Variants in ZNF215 observed in about 807,000 individuals in gnomAD.
The protein encoded by ZNF215 is zinc finger protein 215, also known as BWSCR2-associated zinc finger protein 2.
ZNF215 carries 24 observed loss-of-function variants against 27.2 expected under a neutral mutation model. The ratio of observed to expected loss-of-function variants is 0.88; its 90% confidence interval spans 0.64 to 1.24. ZNF215 has a LOEUF of 1.24. Among genes scored for constraint, ZNF215 ranks in the 50% most tolerant of loss-of-function variants. The pLI is 0.00. For synonymous variants in ZNF215, 210 were observed against 204.0 expected (o/e 1.03, Z -0.25); for missense variants, 675 against 605.7 (o/e 1.11, Z -1.20).
chr11:6,942,473 G>A (rs945995522), intron 4 of ZNF215, among the ~76,000 whole-genome samples: 1 of 152,092 alleles, frequency 6.6e-6, no homozygotes, highest in Non-Finnish European at 1.5e-5. Flanking sequence ...ACGTATACAG[G>A]CAAATACAAG....
chr11:6,982,044 A>C (rs1313646962), intron 5 of ZNF215, among the ~76,000 whole-genome samples: 1 of 152,032 alleles, frequency 6.6e-6, no homozygotes, highest in Non-Finnish European at 1.5e-5. Context: ...AGGTAGCATG[A>C]TGCCTCCAGC....
At chr11:6,990,755 C>A (rs1174165946), downstream of ZNF215, among the ~76,000 whole-genome samples, 1 of 152,224 alleles carries the variant, frequency 6.6e-6, no homozygotes, top group African/African-American at 2.4e-5. Context: ...CACACACACA[C>A]ACGCGCACAT....
intron 5 of ZNF215, among the ~76,000 whole-genome samples, chr11:6,973,888 T>C (rs1358560529): frequency 1.3e-5 from 2 of 152,234 alleles, no homozygotes; most frequent in Non-Finnish European, 2.9e-5. Flanking sequence ...GCAGAAGCTC[T>C]TTAGTTTAAA....
In ZNF215 at chr11:6,956,521, A is replaced by G. The variant is rs1016129395; in HGVS notation, c.1544A>G (p.Asp515Gly). 2.5e-6 allele frequency: 4 copies of G among 1,580,734 alleles called. No homozygotes were observed. Among genetic ancestry groups the G allele is most frequent in the Admixed American group, 1.9e-5 (1 of 51,932 alleles). The change falls in exon 7 of 7, where the codon GAT (aspartate) becomes GGT (glycine). Residue 515 changes from aspartate (D) to glycine (G), a missense_variant. Transcript: ENST00000278319. ...AAACATCAAAAACTGCATACTCGAGATAAGTCCTGAAAAAAGAAAAAATGA... is the reference window on the plus strand; with the variant it reads ...AAACATCAAAAACTGCATACTCGAGGTAAGTCCTGAAAAAAGAAAAAATGA... ...LVKHQKLHTR[D>G]KS
chr11:6,972,911 A>AG (rs1554945862), intron 5 of ZNF215, among the ~76,000 whole-genome samples: 5 of 151,824 alleles, frequency 3.3e-5, no homozygotes. Flanking sequence ...GATTTTTTTA[A>AG]TTTTTTTTAT....
At chr11:6,979,838 G>T (rs957663735) in intron 5 of ZNF215, among the ~76,000 whole-genome samples, 4 of 152,194 alleles carry the variant, frequency 2.6e-5, no homozygotes, top group African/African-American at 9.6e-5. Flanking sequence ...GAGGACTGGG[G>T]ATGGGGGCAA....
exon 6 of ZNF215, chr11:6,984,547 AT>A (rs1256961059): frequency 6.6e-6 from 1 of 152,620 alleles, no homozygotes; most frequent in Non-Finnish European, 1.5e-5. Context: ...TTGTAATAAT[AT>A]GGAATTAGGT....
chr11:6,943,332 T>C, intron 5 of ZNF215, 117 bp downstream of exon 5: 1 of 1,446,198 alleles, frequency 6.9e-7, no homozygotes, highest in South Asian at 1.4e-5. Flanking sequence ...GGTTTGCTAA[T>C]ATCCTTTGGA....
chr11:6,952,153 A>C (rs1212241396), intron 6 of ZNF215, among the ~76,000 whole-genome samples: 1 of 152,160 alleles, frequency 6.6e-6, no homozygotes, highest in East Asian at 1.9e-4. Flanking sequence ...TTTACTTCCA[A>C]GTATGTGGTC....
chr11:6,989,957 T>C (rs1048880943), downstream of ZNF215, among the ~76,000 whole-genome samples: 3 of 152,054 alleles, frequency 2.0e-5, no homozygotes, highest in African/African-American at 7.2e-5. Flanking sequence ...TAACCCAGGA[T>C]CAAATCAAAT....
intron 3 of ZNF215, among the ~76,000 whole-genome samples, chr11:6,939,420 G>GA (rs1471824595): frequency 3.3e-5 from 5 of 152,096 alleles, no homozygotes; most frequent in Non-Finnish European, 7.4e-5. Context: ...AATATGTGTT[G>GA]AAAAAATGAA....
In ZNF215 at chr11:6,957,965, T is replaced by C. The variant is rs1850431369; in HGVS notation, c.*1434T>C. The stretch of plus-strand genomic sequence containing the variant: ...ATTCCCAATTAATGATGATGGTAGC[T>C]TTTTGTGAAGGTTCATACCTTATTC... On this transcript the variant is annotated 3_prime_UTR_variant, in exon 7 of 7. Transcript: ENST00000278319. 2 of 985,436 alleles carry C rather than the reference T, an allele frequency of 2.0e-6. No homozygotes were observed. Among genetic ancestry groups the C allele is most frequent in the South Asian group, 4.7e-5 (1 of 21,284 alleles). 61.0% of individuals were successfully genotyped at this position (985,436 alleles called of 1,614,324 possible). A position where few individuals can be genotyped will look rare whatever the true frequency, so the allele number is the denominator to read the frequency against.
At chr11:6,950,922 A>G (rs1231582033) in intron 6 of ZNF215, among the ~76,000 whole-genome samples, 1 of 151,968 alleles carries the variant, frequency 6.6e-6, no homozygotes, top group African/African-American at 2.4e-5. Context: ...TACCTAATTT[A>G]TTGAGAGTTT....
chr11:6,950,718 C>T (rs1215537749), intron 6 of ZNF215, among the ~76,000 whole-genome samples: 1 of 150,684 alleles, frequency 6.6e-6, no homozygotes, highest in African/African-American at 2.4e-5. Flanking sequence ...ATTGAATACC[C>T]TTTATTTCCT....
chr11:6,982,091 G>T (rs1256991461), intron 5 of ZNF215, among the ~76,000 whole-genome samples: 1 of 151,838 alleles, frequency 6.6e-6, no homozygotes, highest in South Asian at 2.1e-4. Context: ...TGGCGATGTG[G>T]GCTCTTTTTT....
Position 6,980,607 on chromosome 11 carries a change from TTTA to T in ZNF215, c.806-3505_806-3503del, listed in dbSNP as rs76218427. On this transcript the variant is annotated intron_variant, in intron 5 of 5. Coordinates refer to the ZNF215 transcript ENST00000529903. ...AAATTAAACTGATCTTAGTTTACTT[TTTA>T]TTATTATTATTATTATACTTTAAGT... Among the ~76,000 whole-genome samples, 192 of 150,938 alleles carry T rather than the reference TTTA, an allele frequency of 1.3e-3. 2 individuals carry two copies. Among genetic ancestry groups the T allele is most frequent in the African/African-American group, 4.2e-3 (173 of 40,876 alleles).
At chr11:6,973,393 A>T (rs545062020) in intron 5 of ZNF215, among the ~76,000 whole-genome samples, 4 of 152,154 alleles carry the variant, frequency 2.6e-5, no homozygotes, top group African/African-American at 4.8e-5. Flanking sequence ...ATGATTTATA[A>T]TCCTTTGGGT....
intron 3 of ZNF215, among the ~76,000 whole-genome samples, chr11:6,937,983 GAA>G: frequency 6.6e-6 from 1 of 151,668 alleles, no homozygotes; most frequent in East Asian, 1.9e-4. Context: ...AGCAACAAAA[GAA>G]AAAATAGATA....
downstream of ZNF215, among the ~76,000 whole-genome samples, chr11:6,960,252 T>C (rs1399039102): frequency 6.6e-6 from 1 of 152,130 alleles, no homozygotes; most frequent in Non-Finnish European, 1.5e-5. Flanking sequence ...AGGGCCAACT[T>C]GACAATATAT....
Sources: allele counts gnomAD v4.1 joint callset (sites outside exome capture counted in the v4.1 genomes callset), GRCh38; gene constraint gnomAD v4.1.1; transcripts MANE v1.5; gene names NCBI Gene and HGNC (gene_info 2026-07-23, HGNC 2026-07-21).